The following FMR1 variants were observed in gnomAD, a reference collection of about 807,000 sequenced individuals.
The protein encoded by FMR1 is FMRP translational regulator 1.
FMR1 carries 13 observed loss-of-function variants against 50.6 expected under a neutral mutation model. The ratio of observed to expected loss-of-function variants is 0.26; its 90% CI spans 0.17 to 0.41. The LOEUF is 0.41. Among genes scored for constraint, FMR1 ranks in the 10% least tolerant of loss-of-function variants. The pLI, the probability that FMR1 is intolerant of heterozygous loss-of-function variation, is 1.00. For missense variants in FMR1, 316 were observed against 491.3 expected (o/e 0.64, Z 3.37); for synonymous variants, 138 against 164.1 (o/e 0.84, Z 1.22).
chrX:147,945,778 T>A, intron 16 of FMR1, 162 bp downstream of exon 16: 2 of 473,884 alleles, frequency 4.2e-6, no homozygotes, highest in Non-Finnish European at 3.7e-6. Context: ...CTTAGTTCTT[T>A]GTGACAAGTA....
Position 147,949,725 on chromosome X carries a change from T to C in FMR1, c.*881T>C, listed in dbSNP as rs2044276110. The C allele has an allele frequency of 6.1e-6, 2 of 327,324 alleles. No individual in the cohort carries two copies. The highest frequency in any genetic ancestry group is 5.2e-5 in the South Asian group (2 of 38,314). The allele number at this position is 327,324 out of a possible 1,213,427, so 27.0% of individuals were successfully genotyped here. A position where few individuals can be genotyped will look rare whatever the true frequency, so the allele number is the denominator to read the frequency against. On this transcript the variant is annotated 3_prime_UTR_variant, in exon 17 of 17. Coordinates refer to ENST00000370475, the MANE Select transcript of FMR1 (RefSeq NM_002024.6). The stretch of plus-strand genomic sequence containing the variant: ...GTTTTCAGCTAGGAACAAATCTTCC[T>C]GGTCGAAAGTTAGTAGGATATGCCT...
intron 9 of FMR1, among the ~76,000 whole-genome samples, chrX:147,935,776 G>A (rs1258741401): frequency 8.9e-6 from 1 of 111,882 alleles, no homozygotes; most frequent in Non-Finnish European, 1.9e-5. Flanking sequence ...ACTTAAATTG[G>A]TTTAAAGCTT....
chrX:147,912,361 ATGT>A (rs2042622895), intron 1 of FMR1, 131 bp downstream of exon 1: 2 of 617,541 alleles, frequency 3.2e-6, no homozygotes, highest in South Asian at 2.8e-5. Flanking sequence ...GCTCGGCGGG[ATGT>A]TGTTGGGAGG....
chrX:147,934,397 C>A (rs1012199020), intron 9 of FMR1, among the ~76,000 whole-genome samples: 1 of 110,387 alleles, frequency 9.1e-6, no homozygotes, highest in African/African-American at 3.3e-5. Flanking sequence ...AATTATTTTT[C>A]TTACCTATCA....
rs29285 is a variant in FMR1, at chrX:147,937,967, T to G, written c.1126-132T>G. 4,658 of 572,818 alleles carry G rather than the reference T, an allele frequency of 8.1e-3. 151 individuals carry two copies. In the African/African-American group the frequency reaches 0.089, roughly 11 times the overall value. The allele number at this position is 572,818 out of a possible 1,213,427, so 47.2% of individuals were successfully genotyped here. A position where few individuals can be genotyped will look rare whatever the true frequency, so the allele number is the denominator to read the frequency against. ...ACTACTTGAACCATATTTTAGAAAC[T>G]AATTTTCTCTGTTTGAACTAATCTG... is the stretch of plus-strand genomic sequence containing the variant. On this transcript the variant is annotated intron_variant, in intron 11 of 16. Transcript: ENST00000370475.
intron 2 of FMR1, among the ~76,000 whole-genome samples, chrX:147,923,402 GTA>G (rs2043258666): frequency 9.0e-6 from 1 of 111,616 alleles, no homozygotes; most frequent in Non-Finnish European, 1.9e-5. Context: ...AACTTGGAGG[GTA>G]TTTTTTTCTT....
chrX:147,947,094 G>GT (rs2044192477), intron 16 of FMR1: 1 of 109,119 alleles, frequency 9.2e-6, no homozygotes, highest in Admixed American at 9.9e-5. Flanking sequence ...AAAAGGTGAT[G>GT]TTTTCTCTAT....
chrX:147,943,546 G>A (rs1290000365), intron 14 of FMR1: 12 of 411,740 alleles, frequency 2.9e-5, no homozygotes, highest in Non-Finnish European at 5.1e-5. Flanking sequence ...TCTGATTGGG[G>A]GTAAATCTGC....
At chrX:147,925,930 GTTGT>G (rs782493482) in intron 3 of FMR1, among the ~76,000 whole-genome samples, 29 of 111,799 alleles carry the variant, frequency 2.6e-4, no homozygotes, top group Non-Finnish European at 4.0e-4. Flanking sequence ...TGAATAGTAT[GTTGT>G]TTGTTTACAA....
chrX:147,928,802 G>A lies in FMR1; in HGVS notation c.414G>A (p.Arg138=), dbSNP rs25707. 106,848 of 1,206,186 alleles carry A rather than the reference G, an allele frequency of 0.089. 3,659 individuals carry two copies. The highest frequency in any genetic ancestry group is 0.17 in the African/African-American group (9,756 of 56,857). The stretch of plus-strand genomic sequence containing the variant: ...AGCTGGATGTGCCAGAAGACTTACG[G>A]CAAATGTAAGTTGATACACAAGAAA... ...KIKLDVPEDL[R]QMCAKEAAHK... is the part of the protein sequence containing the mutation. The change falls in exon 5 of 17, where the codon CGG becomes CGA. Residue 138 remains arginine, a synonymous_variant. Transcript: ENST00000370475.
At chrX:147,941,217 C>CA (rs1266902487) in intron 13 of FMR1, among the ~76,000 whole-genome samples, 1 of 111,735 alleles carries the variant, frequency 8.9e-6, no homozygotes, top group African/African-American at 3.3e-5. Flanking sequence ...GAGGAGGCTA[C>CA]AAGGTGTAGT....
At chrX:147,942,455 C>G (rs890518659) in intron 13 of FMR1, among the ~76,000 whole-genome samples, 1 of 112,126 alleles carries the variant, frequency 8.9e-6, no homozygotes, top group Non-Finnish European at 1.9e-5. Flanking sequence ...TACTGTTTCT[C>G]GTACTTGTTG....
At chrX:147,928,551 C>A in intron 4 of FMR1, 108 bp from the exon 5 acceptor site, 2 of 802,343 alleles carry the variant, frequency 2.5e-6, no homozygotes, top group South Asian at 2.5e-5. Context: ...TTCTGTTGGT[C>A]ATAAATTTTT....
chrX:147,932,108 G>A (rs782532707), intron 7 of FMR1, among the ~76,000 whole-genome samples: 1 of 111,780 alleles, frequency 8.9e-6, no homozygotes, highest in Admixed American at 9.5e-5. Flanking sequence ...CATTTGACCT[G>A]CTTCTTAGTT....
In FMR1 at chrX:147,936,516, GA is replaced by G; in HGVS notation, c.899del (p.Asn300MetfsTer4). 1.7e-6 allele frequency: 2 copies of G among 1,191,550 alleles called. No homozygotes were observed. The highest frequency in any genetic ancestry group is 2.3e-6 in the Non-Finnish European group (2 of 877,309). On this transcript the variant is annotated frameshift_variant, in exon 10 of 17. Transcript: ENST00000370475. LOFTEE classifies it high-confidence loss of function. ...ATTTATTTCTTAGGCAAAGTAATAG[GA>G]AAAAATGGAAAGCTGATTCAGGAGA... ...VPRNLVGKVI[G>X]KNGKLIQEIV... is the part of the protein sequence containing the mutation.
At chrX:147,936,688 C>T in intron 10 of FMR1, 75 bp downstream of exon 10, 1 of 588,274 alleles carries the variant, frequency 1.7e-6, no homozygotes, top group Non-Finnish European at 3.0e-6. Context: ...TTGAGGACCT[C>T]TAATATGTGC....
intron 9 of FMR1, among the ~76,000 whole-genome samples, chrX:147,934,392 T>C (rs1300563910): frequency 9.0e-6 from 1 of 110,662 alleles, no homozygotes; most frequent in African/African-American, 3.3e-5. Flanking sequence ...CTGAGAATTA[T>C]TTTTCTTACC....
chrX:147,924,203 G>T (rs1432809943), intron 2 of FMR1, among the ~76,000 whole-genome samples: 2 of 110,815 alleles, frequency 1.8e-5, no homozygotes, highest in Non-Finnish European at 3.8e-5. Flanking sequence ...ACTCAGAGGA[G>T]GGTTCAGTTA....
At chrX:147,943,404 C>G (rs1406947835) in intron 14 of FMR1, 78 bp downstream of exon 14, 2 of 894,143 alleles carry the variant, frequency 2.2e-6, no homozygotes, top group Non-Finnish European at 3.3e-6. Flanking sequence ...TTCATTAGAA[C>G]CCCATTATAA....
Sources: gnomAD v4.1 joint callset for allele counts (sites outside exome capture counted in the v4.1 genomes callset) on GRCh38, gnomAD v4.1.1 for gene constraint, MANE v1.5 for transcripts, NCBI Gene and HGNC (gene_info 2026-07-23, HGNC 2026-07-21) for gene names.